AFG2A: variants seen among roughly 807,000 people sequenced by gnomAD.
AFG2A encodes the protein ATPase family gene 2 protein homolog A.
the AFG2A span, among the ~76,000 whole-genome samples, chr4:123,270,976 A>G: frequency 3.9e-5 from 6 of 152,192 alleles, no homozygotes; most frequent in African/African-American, 1.4e-4. Flanking sequence ...GTCATTCTCT[A>G]AGGGTATTTT....
At chr4:123,074,093 G>GTTTTTTTTTT in the AFG2A span, among the ~76,000 whole-genome samples, 6 of 39,534 alleles carry the variant, frequency 1.5e-4, no homozygotes, top group African/African-American at 2.8e-4. Flanking sequence ...TTCTCAGATA[G>GTTTTTTTTTT]TATTTTTTTT....
At chr4:122,939,201 T>C in the AFG2A span, among the ~76,000 whole-genome samples, 3 of 146,780 alleles carry the variant, frequency 2.0e-5, no homozygotes, top group Non-Finnish European at 4.5e-5. Context: ...TTCTCCTGCC[T>C]CAGCCTCCCG....
At chr4:123,123,906 C>T in the AFG2A span, among the ~76,000 whole-genome samples, 1 of 141,242 alleles carries the variant, frequency 7.1e-6, no homozygotes, top group African/African-American at 2.6e-5. Context: ...GAGTCGAGAT[C>T]GCGCCACTGC....
the AFG2A span, among the ~76,000 whole-genome samples, chr4:122,941,062 A>C: frequency 1.3e-5 from 2 of 150,084 alleles, no homozygotes; most frequent in African/African-American, 4.9e-5. Flanking sequence ...GAAGTCAGGT[A>C]GCATGATGCC....
At chr4:123,279,819 AC>A in the AFG2A span, among the ~76,000 whole-genome samples, 1 of 152,338 alleles carries the variant, frequency 6.6e-6, no homozygotes, top group East Asian at 1.9e-4. Flanking sequence ...AATAAGTAGA[AC>A]TGATCAGTTA....
chr4:123,003,219 A>G, the AFG2A span, among the ~76,000 whole-genome samples: 1 of 152,084 alleles, frequency 6.6e-6, no homozygotes. Context: ...AAGTTTTTTC[A>G]AAGTTTTCAA....
chr4:123,130,220 T>C, the AFG2A span, among the ~76,000 whole-genome samples: 3 of 152,144 alleles, frequency 2.0e-5, no homozygotes, highest in Non-Finnish European at 4.4e-5. Context: ...TCTCTCTATG[T>C]TGCTGAGGCT....
chr4:123,068,822 G>A, the AFG2A span, among the ~76,000 whole-genome samples: 47 of 152,060 alleles, frequency 3.1e-4, no homozygotes, highest in African/African-American at 1.0e-3. Context: ...TTAGTGCCAC[G>A]TGTGAACAAA....
chr4:122,957,467 G>A, the AFG2A span, among the ~76,000 whole-genome samples: 1 of 152,212 alleles, frequency 6.6e-6, no homozygotes, highest in Non-Finnish European at 1.5e-5. Flanking sequence ...TATGTTCCAA[G>A]TGCTATAGAA....
the AFG2A span, among the ~76,000 whole-genome samples, chr4:123,306,550 ATTTT>A: frequency 6.7e-6 from 1 of 149,300 alleles, no homozygotes; most frequent in Non-Finnish European, 1.5e-5. Context: ...TTGGATATCA[ATTTT>A]TTTTTCTTTT....
At chr4:123,169,618 A>T in the AFG2A span, among the ~76,000 whole-genome samples, 1 of 152,170 alleles carries the variant, frequency 6.6e-6, no homozygotes, top group Non-Finnish European at 1.5e-5. Flanking sequence ...AGCTGGGATT[A>T]CAGGCGTGTG....
chr4:122,927,817 GA>G, the AFG2A span: 26 of 1,588,526 alleles, frequency 1.6e-5, no homozygotes, highest in Admixed American at 5.5e-5. Context: ...GCAAATCCAA[GA>G]ATCTAAACTC....
chr4:123,040,644 G>A, the AFG2A span, among the ~76,000 whole-genome samples: 8 of 152,248 alleles, frequency 5.3e-5, no homozygotes, highest in South Asian at 1.7e-3. Flanking sequence ...CTAAAAATAA[G>A]CTTGTAAAAT....
chr4:123,241,217 T>G, the AFG2A span, among the ~76,000 whole-genome samples: 4 of 152,148 alleles, frequency 2.6e-5, no homozygotes, highest in South Asian at 6.2e-4. Context: ...AGAGGAGCTG[T>G]TACCATTCCT....
At chr4:123,278,619 C>G in the AFG2A span, among the ~76,000 whole-genome samples, 1 of 152,134 alleles carries the variant, frequency 6.6e-6, no homozygotes, top group Non-Finnish European at 1.5e-5. Context: ...TCAACACTGC[C>G]TTAGCGGTGT....
At chr4:123,073,946 C>T in the AFG2A span, among the ~76,000 whole-genome samples, 1 of 152,078 alleles carries the variant, frequency 6.6e-6, no homozygotes, top group South Asian at 2.1e-4. Context: ...GCATAGATGA[C>T]TTTTGGAATA....
At chr4:123,255,962 A>T in the AFG2A span, 1 of 1,599,080 alleles carries the variant, frequency 6.3e-7, no homozygotes, top group East Asian at 2.2e-5. Context: ...TATCTTTGAG[A>T]TGGAATGTCA....
At chr4:123,294,355 C>T in the AFG2A span, among the ~76,000 whole-genome samples, 3 of 152,198 alleles carry the variant, frequency 2.0e-5, no homozygotes, top group African/African-American at 4.8e-5. Context: ...CATGAACAGT[C>T]TCACCATTAA....
the AFG2A span, among the ~76,000 whole-genome samples, chr4:123,167,080 C>T: frequency 6.6e-6 from 1 of 151,492 alleles, no homozygotes; most frequent in Non-Finnish European, 1.5e-5. Context: ...TTAATACATG[C>T]TTGAAATAGT....
Sources: gnomAD v4.1 joint callset for allele counts (sites outside exome capture counted in the v4.1 genomes callset) on GRCh38, gnomAD v4.1.1 for gene constraint, MANE v1.5 for transcripts, NCBI Gene and HGNC (gene_info 2026-07-23, HGNC 2026-07-21) for gene names.